Variants in EFR3B observed in about 807,000 individuals in gnomAD.
EFR3B encodes EFR3 homolog B.
In EFR3B, 64 loss-of-function variants were observed where a neutral mutation model predicts 104.7. The observed-to-expected ratio is 0.61, with a 90% confidence interval of 0.50 to 0.75. The LOEUF (loss-of-function observed/expected upper bound fraction) is 0.75. EFR3B is among the 30% of genes least tolerant of loss of function. EFR3B has a pLI of 0.00. For synonymous variants in EFR3B, 385 were observed against 417.9 expected (o/e 0.92, Z 0.96); for missense variants, 750 against 1,078.5 (o/e 0.70, Z 4.27).
At chr2:25,152,813 A>AGTGT (rs60834744) in intron 21 of EFR3B, among the ~76,000 whole-genome samples, 2,676 of 141,426 alleles carry the variant, frequency 0.019, 64 homozygotes, top group East Asian at 0.11. Context: ...TTCATATAGA[A>AGTGT]GTGTGTGTGT....
intron 1 of EFR3B, among the ~76,000 whole-genome samples, chr2:25,046,848 T>C (rs1667735552): frequency 6.6e-6 from 1 of 152,038 alleles, no homozygotes; most frequent in Non-Finnish European, 1.5e-5. Flanking sequence ...GACTCCCTGC[T>C]CCTCCTCAGG....
chr2:25,130,433 C>A lies in EFR3B; in HGVS notation c.771-119C>A, dbSNP rs1322131380. The A allele has an allele frequency of 2.1e-6, 2 of 965,906 alleles. No individual in the cohort carries two copies. The highest frequency in any genetic ancestry group is 4.0e-5 in the Admixed American group (2 of 49,528). The allele number at this position is 965,906 out of a possible 1,614,324, so 59.8% of individuals were successfully genotyped here. On this transcript the variant is annotated intron_variant, in intron 7 of 22. Coordinates refer to ENST00000403714, the MANE Select transcript of EFR3B (RefSeq NM_014971.2). The surrounding 1 kb of genome is among the most constrained non-coding windows in gnomAD (Gnocchi z 4.6). The stretch of plus-strand genomic sequence containing the variant: ...CCCAAGGCCCTTCAGGCTTCACTTC[C>A]TCACCCGGGAACTGTGCGAGGGGCT...
intron 16 of EFR3B, among the ~76,000 whole-genome samples, chr2:25,140,124 G>A (rs1670622744): frequency 6.6e-6 from 1 of 151,854 alleles, no homozygotes; most frequent in South Asian, 2.1e-4. Context: ...ACCAGCCTGG[G>A]CAACATGGTG....
At chr2:25,133,799 C>T (rs1322817114) in intron 12 of EFR3B, among the ~76,000 whole-genome samples, 1 of 152,194 alleles carries the variant, frequency 6.6e-6, no homozygotes, top group Non-Finnish European at 1.5e-5. Flanking sequence ...CCTGTTTTGC[C>T]AGCACGTGTT....
chr2:25,136,930 C>T lies in EFR3B; in HGVS notation c.1560+332C>T, dbSNP rs754034025. Among the ~76,000 whole-genome samples the T allele has an allele frequency of 6.6e-6, 1 of 152,128 alleles. No individual in the cohort carries two copies. The highest frequency in any genetic ancestry group is 1.5e-5 in the Non-Finnish European group (1 of 68,008). ...AAGTCACTGCTGACCACTGACTGCCCTTGGAGCCTGCCTCCTCCCTCTGTA... is the reference window on the plus strand; with the variant it reads ...AAGTCACTGCTGACCACTGACTGCCTTTGGAGCCTGCCTCCTCCCTCTGTA... On this transcript the variant is annotated intron_variant, in intron 14 of 22. Coordinates refer to ENST00000403714, the MANE Select transcript of EFR3B (RefSeq NM_014971.2). This position sits in a 1 kb window ranked among gnomAD's most constrained non-coding sequence, Gnocchi z 4.0.
Position 25,151,914 on chromosome 2 carries a change from T to G in EFR3B, c.2192T>G (p.Val731Gly). 4 of 1,551,640 alleles carry G rather than the reference T, an allele frequency of 2.6e-6. No homozygotes were observed. The highest frequency in any genetic ancestry group is 3.5e-6 in the Non-Finnish European group (4 of 1,146,972). Reference sequence around the variant, plus strand: ...ACTAACCCAGCTCTCTGTGTCGAAGTGGACAGCGTAGCAGTGGAGGAGCAG... The same window carrying G: ...ACTAACCCAGCTCTCTGTGTCGAAGGGGACAGCGTAGCAGTGGAGGAGCAG... ...ITYETLKKAI[V>G]DSVAVEEQER... The change falls in exon 21 of 23, where the codon GTG (valine) becomes GGG (glycine). Residue 731 changes from valine (V) to glycine (G), a missense_variant and splice_region_variant. By Grantham distance (109) the Val-to-Gly change is moderately radical. Coordinates refer to ENST00000403714, the MANE Select transcript of EFR3B (RefSeq NM_014971.2).
chr2:25,108,771 G>T (rs574316632), intron 4 of EFR3B, among the ~76,000 whole-genome samples: 1 of 152,272 alleles, frequency 6.6e-6, no homozygotes, highest in Non-Finnish European at 1.5e-5. Context: ...GGCCGAGGTG[G>T]GTGGATCGCT....
chr2:25,042,576 C>A lies in EFR3B; in HGVS notation c.7+257C>A. On this transcript the variant is annotated intron_variant, in intron 1 of 22. Coordinates refer to ENST00000403714, the MANE Select transcript of EFR3B (RefSeq NM_014971.2). This position sits in a 1 kb window ranked among gnomAD's most constrained non-coding sequence, Gnocchi z 5.4. ...GCGGTGGTCCTTCGGGGGGCGGAGG[C>A]TCAGGGGAAAGCGGGTCTCCCGGAG... The A allele has an allele frequency of 8.3e-7, 1 of 1,200,268 alleles. No individual in the cohort carries two copies. The allele number at this position is 1,200,268 out of a possible 1,614,324, so 74.4% of individuals were successfully genotyped here.
rs140400967 is a variant in EFR3B, at chr2:25,086,931, A to T, written c.8-4394A>T. On this transcript the variant is annotated intron_variant, in intron 1 of 22. Coordinates refer to ENST00000403714, the MANE Select transcript of EFR3B (RefSeq NM_014971.2). Reference sequence around the variant, plus strand: ...GGTTATTTTCTTATTGTTTAGTTTTAAGTGTTTGTATTAGTCCATTCTCAT... The same window carrying T: ...GGTTATTTTCTTATTGTTTAGTTTTTAGTGTTTGTATTAGTCCATTCTCAT... 5.4e-3 allele frequency among the ~76,000 whole-genome samples: 828 copies of T among 152,236 alleles called. 4 individuals are homozygous for T. Among genetic ancestry groups the T allele is most frequent in the African/African-American group, 0.018 (767 of 41,542 alleles).
intron 4 of EFR3B, among the ~76,000 whole-genome samples, chr2:25,115,478 A>T (rs1338472838): frequency 1.3e-5 from 2 of 152,204 alleles, no homozygotes; most frequent in Non-Finnish European, 2.9e-5. Context: ...TGTTCTGCTA[A>T]ACTCACTAGT....
chr2:25,118,816 G>A (rs1169696565), intron 4 of EFR3B, among the ~76,000 whole-genome samples: 5 of 151,236 alleles, frequency 3.3e-5, no homozygotes, highest in Non-Finnish European at 5.9e-5. Context: ...CAAGGCGGGC[G>A]GATCATGACA....
At chr2:25,129,006 C>CCTTTCATGGCTCCGATCACTGCGGA (rs1558613446) in intron 6 of EFR3B, among the ~76,000 whole-genome samples, 1 of 122,756 alleles carries the variant, frequency 8.1e-6, no homozygotes, top group African/African-American at 2.9e-5. Context: ...AAAAAAGATG[C>CCTTTCATGGCTCCGATCACTGCGGA]CTTTCATGGC....
intron 19 of EFR3B, among the ~76,000 whole-genome samples, chr2:25,149,316 C>T (rs1670938321): frequency 1.3e-5 from 2 of 152,124 alleles, no homozygotes; most frequent in African/African-American, 2.4e-5. Flanking sequence ...CCACTACACT[C>T]CAGCCTGGGC....
Position 25,135,592 on chromosome 2 carries a change from C to G in EFR3B, c.1437C>G (p.Ile479Met). ...EIRLFVLEIL[I>M]SFIDRHGNRH... ...GACTCTTTGTTCTAGAGATTCTCATCAGTTTCATTGATCGTCATGGCAACC... is the reference window on the plus strand; with the variant it reads ...GACTCTTTGTTCTAGAGATTCTCATGAGTTTCATTGATCGTCATGGCAACC... The change falls in exon 13 of 23, where the codon ATC (isoleucine) becomes ATG (methionine). Residue 479 changes from isoleucine (I) to methionine (M), a missense_variant. Ile to Met is a conservative substitution (Grantham distance 10). Transcript: ENST00000403714. 1 of 1,552,004 alleles carries G rather than the reference C, an allele frequency of 6.4e-7. No individual in the cohort carries two copies. Among genetic ancestry groups the G allele is most frequent in the South Asian group, 1.2e-5 (1 of 84,064 alleles).
At chr2:25,150,618 T>C (rs1365364858) in intron 20 of EFR3B, among the ~76,000 whole-genome samples, 1 of 151,774 alleles carries the variant, frequency 6.6e-6, no homozygotes, top group African/African-American at 2.4e-5. Flanking sequence ...GCCCTTTTTT[T>C]TTTTTTTTCT....
intron 12 of EFR3B, 134 bp from the exon 13 acceptor site, chr2:25,135,332 AG>A: frequency 1.0e-6 from 1 of 990,840 alleles, no homozygotes. Context: ...GCTGTAGGGT[AG>A]GGGAGGCTGG....
intron 1 of EFR3B, among the ~76,000 whole-genome samples, chr2:25,062,097 T>C (rs1445027792): frequency 6.6e-6 from 1 of 152,256 alleles, no homozygotes; most frequent in East Asian, 1.9e-4. Context: ...ATTTTTAATT[T>C]TTTTCCCTAT....
At chr2:25,062,186 G>A (rs1668216279) in intron 1 of EFR3B, among the ~76,000 whole-genome samples, 1 of 152,174 alleles carries the variant, frequency 6.6e-6, no homozygotes. Context: ...ATCACCAGAG[G>A]CCTTGTGGAT....
At position 25,137,031 on chromosome 2, in the gene EFR3B, G is replaced by C. The variant is rs1670534703; in HGVS notation, c.1561-310G>C. Among the ~76,000 whole-genome samples the C allele has an allele frequency of 6.6e-6, 1 of 152,134 alleles. No individual in the cohort carries two copies. The highest frequency in any genetic ancestry group is 1.9e-4 in the East Asian group (1 of 5,186). On this transcript the variant is annotated intron_variant, in intron 14 of 22. Transcript: ENST00000403714. The surrounding 1 kb of genome is among the most constrained non-coding windows in gnomAD (Gnocchi z 4.7). Reference sequence around the variant, plus strand: ...TCCTCCCTCTGTGGCTATGTGTTAAGCTGACCTCTCTGAGGAGTCAAGCCC... The same window carrying C: ...TCCTCCCTCTGTGGCTATGTGTTAACCTGACCTCTCTGAGGAGTCAAGCCC...
Sources: gnomAD v4.1 joint callset for allele counts (sites outside exome capture counted in the v4.1 genomes callset) on GRCh38, gnomAD v4.1.1 for gene constraint, Gnocchi (gnomAD v3.1) non-coding constraint, MANE v1.5 for transcripts, NCBI Gene and HGNC (gene_info 2026-07-23, HGNC 2026-07-21) for gene names.